The following FAN1 variants were observed in gnomAD, a reference collection of about 807,000 sequenced individuals.
FAN1 encodes the protein fanconi-associated nuclease 1.
In FAN1, 91 loss-of-function variants were observed where a neutral mutation model predicts 104.9. The ratio of observed to expected loss-of-function variants is 0.87; its 90% CI spans 0.73 to 1.03. The LOEUF (loss-of-function observed/expected upper bound fraction) is 1.03, where lower values mean the gene tolerates loss of function less well. Among genes scored for constraint, FAN1 ranks in the 50% least tolerant of loss-of-function variants. FAN1 has a pLI of 0.00. For missense variants in FAN1, 1,263 were observed against 1,239.9 expected (o/e 1.02, Z -0.28); for synonymous variants, 478 against 457.6 (o/e 1.04, Z -0.57).
In FAN1 at chr15:30,941,795, A is replaced by G; in HGVS notation, c.*233A>G. On this transcript the variant is annotated 3_prime_UTR_variant, in exon 15 of 15. Coordinates refer to ENST00000362065, the MANE Select transcript of FAN1 (RefSeq NM_014967.5). The stretch of plus-strand genomic sequence containing the variant: ...GGCTGTGATGGAGCCACCCAGGCTG[A>G]TCTGGGCCTCGGGAACCCAGCGGAA... The G allele has an allele frequency of 6.2e-7, 1 of 1,614,024 alleles. No homozygotes were observed. The highest frequency in any genetic ancestry group is 8.5e-7 in the Non-Finnish European group (1 of 1,179,884).
In FAN1 at chr15:30,920,598, A is replaced by G. The variant is rs1245102546; in HGVS notation, c.1997A>G (p.Tyr666Cys). ...FLRCFTVGWI[Y>C]TRILSRFVEI... Reference sequence around the variant, plus strand: ...CGGTGTTTCACTGTTGGGTGGATTTATACAAGGATTTTGTCTCGGTTTGTG... The same window carrying G: ...CGGTGTTTCACTGTTGGGTGGATTTGTACAAGGATTTTGTCTCGGTTTGTG... Residue 666 changes from tyrosine to cysteine, a missense_variant, in exon 7 of 15, where the codon TAT becomes TGT. Around this residue, in one of 2 missense-constraint regions of FAN1, gnomAD observed 581 missense variants for 668.8 expected, o/e 0.87. Coordinates refer to ENST00000362065, the MANE Select transcript of FAN1 (RefSeq NM_014967.5). 6.2e-7 allele frequency: 1 copy of G among 1,612,312 alleles called. No homozygotes were observed. Among genetic ancestry groups the G allele is most frequent in the Admixed American group, 1.7e-5 (1 of 59,724 alleles).
At chr15:30,918,118 G>A in intron 5 of FAN1, 46 bp from the exon 6 acceptor site, 1 of 1,607,152 alleles carries the variant, frequency 6.2e-7, no homozygotes, top group Non-Finnish European at 8.5e-7. Flanking sequence ...GTCATTCTAT[G>A]GGAATGCTCA....
chr15:30,939,457 G>A, intron 14 of FAN1: 1 of 985,424 alleles, frequency 1.0e-6, no homozygotes, highest in Non-Finnish European at 1.2e-6. Context: ...CCCGACTGAA[G>A]GCTGTCATAG....
At chr15:30,928,702 C>A in intron 11 of FAN1, 46 bp downstream of exon 11, 2 of 1,611,508 alleles carry the variant, frequency 1.2e-6, no homozygotes, top group Non-Finnish European at 1.7e-6. Context: ...CTGCACACAT[C>A]CGTGGCTCAC....
rs568782087 is a variant in FAN1 at position 30,931,944 on chromosome 15, C to T, written c.2916+1273C>T. The stretch of plus-strand genomic sequence containing the variant: ...AAGAAAAAAAAAAGCCAGCTGAGGC[C>T]GGGTACGGTGGCTCACACCTGTAAT... On this transcript the variant is annotated intron_variant, in intron 13 of 14. Coordinates refer to ENST00000362065, the MANE Select transcript of FAN1 (RefSeq NM_014967.5). Among the ~76,000 whole-genome samples, 11 of 149,654 alleles carry T rather than the reference C, an allele frequency of 7.4e-5. No homozygotes were observed. The South Asian group carries it at 1.3e-3, about 17-fold the overall frequency.
chr15:30,934,498 T>C (rs2062799869), intron 13 of FAN1, among the ~76,000 whole-genome samples: 1 of 152,172 alleles, frequency 6.6e-6, no homozygotes, highest in South Asian at 2.1e-4. Flanking sequence ...GTCTTTTTCC[T>C]GAGTAGCTGG....
intron 4 of FAN1, among the ~76,000 whole-genome samples, chr15:30,912,458 C>T (rs1043527513): frequency 2.0e-5 from 3 of 152,180 alleles, no homozygotes; most frequent in Admixed American, 6.5e-5. Context: ...GAGGCTGTGT[C>T]CACTGGGGCA....
intron 14 of FAN1, chr15:30,940,573 C>T: frequency 1.0e-6 from 1 of 985,454 alleles, no homozygotes; most frequent in Non-Finnish European, 1.2e-6. Flanking sequence ...TCCCAGCAAG[C>T]CTTGTTTGTT....
At chr15:30,910,584 T>TA (rs752410865) in intron 3 of FAN1, 30 bp from the exon 4 acceptor site, 8 of 1,468,178 alleles carry the variant, frequency 5.4e-6, no homozygotes, top group Middle Eastern at 1.8e-4. Flanking sequence ...TAGTAAAATT[T>TA]AAAAAAACTT....
chr15:30,937,669 T>G, intron 14 of FAN1, among the ~76,000 whole-genome samples: 1 of 151,704 alleles, frequency 6.6e-6, no homozygotes, highest in African/African-American at 2.4e-5. Context: ...TTGGCCAGGT[T>G]GGTCTGGAAC....
intron 8 of FAN1, 89 bp from the exon 9 acceptor site, chr15:30,925,038 T>TA: frequency 7.2e-7 from 1 of 1,387,012 alleles, no homozygotes; most frequent in Non-Finnish European, 9.9e-7. Flanking sequence ...AATTCAATAA[T>TA]AAACAGTGGG....
At chr15:30,934,089 T>C (rs948077897) in intron 13 of FAN1, among the ~76,000 whole-genome samples, 1 of 152,188 alleles carries the variant, frequency 6.6e-6, no homozygotes, top group East Asian at 1.9e-4. Flanking sequence ...TCATGTATTT[T>C]GAAGGTCTGT....
Position 30,905,121 on chromosome 15 carries a change from G to A in FAN1, c.458G>A (p.Gly153Glu), listed in dbSNP as rs2061944828. 6.2e-7 allele frequency: 1 copy of A among 1,613,876 alleles called. No homozygotes were observed. Among genetic ancestry groups the A allele is most frequent in the Admixed American group, 1.7e-5 (1 of 60,004 alleles). The change falls in exon 2 of 15, where the codon GGA (glycine) becomes GAA (glutamate). Residue 153 changes from glycine (G) to glutamate (E), a missense_variant. By Grantham distance (98) the Gly-to-Glu change is moderately conservative (BLOSUM62 -2). Around this residue, in one of 2 missense-constraint regions of FAN1, gnomAD observed 682 missense variants for 571.1 expected, o/e 1.19. Coordinates refer to ENST00000362065, the MANE Select transcript of FAN1 (RefSeq NM_014967.5). The stretch of plus-strand genomic sequence containing the variant: ...CGTAGTGTGAAAGTCATTTGTTTGG[G>A]AAGCCTAGCATCTAAATTGTCCAGA... ...RNRSVKVICL[G>E]SLASKLSRKY...
At chr15:30,906,267 A>C in intron 2 of FAN1, 1 of 453,602 alleles carries the variant, frequency 2.2e-6, no homozygotes, top group South Asian at 1.6e-5. Context: ...GCTTTCCATT[A>C]GGTTGTTTTG....
At chr15:30,924,593 G>A (rs1428036173) in intron 8 of FAN1, among the ~76,000 whole-genome samples, 2 of 152,160 alleles carry the variant, frequency 1.3e-5, no homozygotes, top group Non-Finnish European at 2.9e-5. Flanking sequence ...ATCGCCTTGG[G>A]AAATACTTGT....
chr15:30,920,514 A>G (rs750653191), intron 6 of FAN1, 31 bp from the exon 7 acceptor site: 2 of 1,372,186 alleles, frequency 1.5e-6, no homozygotes, highest in Non-Finnish European at 2.1e-6. Flanking sequence ...TAACCAAATT[A>G]TTAAACTACT....
chr15:30,940,885 T>G, intron 14 of FAN1: 3 of 1,017,072 alleles, frequency 2.9e-6, no homozygotes, highest in Non-Finnish European at 3.5e-6. Context: ...CATTTTAAAG[T>G]TGACCCTATG....
chr15:30,936,476 A>C (rs2062855458), intron 13 of FAN1, among the ~76,000 whole-genome samples: 1 of 152,214 alleles, frequency 6.6e-6, no homozygotes, highest in Non-Finnish European at 1.5e-5. Flanking sequence ...AATCCAGTGC[A>C]TGCTTTAAAA....
At chr15:30,927,667 G>C (rs150618836) in intron 10 of FAN1, 68 of 985,540 alleles carry the variant, frequency 6.9e-5, no homozygotes, top group Non-Finnish European at 8.2e-5. Context: ...ATGTCAGGAT[G>C]GGGGTCTGGT....
Sources: allele counts gnomAD v4.1 joint callset (sites outside exome capture counted in the v4.1 genomes callset), GRCh38; gene constraint gnomAD v4.1.1; regional missense constraint gnomAD v4.1.1; transcripts MANE v1.5; gene names NCBI Gene and HGNC (gene_info 2026-07-23, HGNC 2026-07-21).